Variants in ILRUN observed in about 807,000 individuals in gnomAD.
ILRUN encodes the protein protein ILRUN.
ILRUN carries 3 observed loss-of-function variants against 33.8 expected under a neutral mutation model. The ratio of observed to expected loss-of-function variants is 0.09; its 90% confidence interval spans 0.04 to 0.23. The LOEUF (loss-of-function observed/expected upper bound fraction) is 0.23. Ranked by LOEUF, ILRUN falls within the 10% of genes least tolerant of loss-of-function variation. The probability of loss-of-function intolerance (pLI) is 1.00; values close to 1 mark genes in which losing one functional copy is unlikely to be tolerated. For synonymous variants in ILRUN, 124 were observed against 138.9 expected, an observed-to-expected ratio of 0.89 and a Z score of 0.75; for missense variants, 210 against 375.1, an observed-to-expected ratio of 0.56 and a Z score of 3.64.
Position 34,646,603 on chromosome 6 carries a change from C to T in ILRUN, c.509G>A (p.Gly170Glu). Residue 170 changes from glycine to glutamate, a missense_variant and splice_region_variant, in exon 3 of 5, where the codon GGA (glycine) becomes GAA (glutamate). Gly to Glu is a moderately conservative substitution (Grantham distance 98). Transcript: ENST00000374023. The surrounding 1 kb of genome is among the most constrained non-coding windows in gnomAD (Gnocchi z 4.9). The part of the protein sequence containing the change: ...RMCTATGLYY[G>E]DVIWVILSVE... ...GGGCTGCACAAGGACATACTCACCT[C>T]CATAGTAGAGTCCTGTAGCAGTGCA... 1 of 1,613,934 alleles carries T rather than the reference C, an allele frequency of 6.2e-7. No individual in the cohort carries two copies. Among genetic ancestry groups the T allele is most frequent in the Non-Finnish European group, 8.5e-7 (1 of 1,179,960 alleles).
At chr6:34,593,099 A>G (rs753879916) in intron 4 of ILRUN, among the ~76,000 whole-genome samples, 14 of 152,094 alleles carry the variant, frequency 9.2e-5, no homozygotes, top group Non-Finnish European at 1.8e-4. Context: ...GGATCACTTG[A>G]GCCCAGGAGG....
chr6:34,601,704 C>T (rs1561996963), intron 4 of ILRUN, among the ~76,000 whole-genome samples: 1 of 95,168 alleles, frequency 1.1e-5, no homozygotes, highest in Non-Finnish European at 2.1e-5. Flanking sequence ...CTCCAGTACC[C>T]GCCCCCCCAA....
intron 1 of ILRUN, among the ~76,000 whole-genome samples, chr6:34,693,615 T>C (rs1763692606): frequency 6.6e-6 from 1 of 152,062 alleles, no homozygotes; most frequent in South Asian, 2.1e-4. Context: ...TGCTACTCCA[T>C]GGCTTTGAGC....
intron 3 of ILRUN, among the ~76,000 whole-genome samples, chr6:34,622,579 T>G (rs941714354): frequency 2.6e-5 from 4 of 152,128 alleles, no homozygotes; most frequent in Admixed American, 6.5e-5. Context: ...TGAAAGCTTT[T>G]GCTTCCTAGA....
intron 1 of ILRUN, among the ~76,000 whole-genome samples, chr6:34,656,171 G>A (rs1762767548): frequency 6.6e-6 from 1 of 150,670 alleles, no homozygotes; most frequent in Admixed American, 6.6e-5. Flanking sequence ...GAGAGGTGGA[G>A]GTTGCAGTGA....
chr6:34,653,152 GAA>G (rs1306444483), intron 2 of ILRUN, among the ~76,000 whole-genome samples: 12 of 110,710 alleles, frequency 1.1e-4, no homozygotes, highest in Admixed American at 4.3e-4. Context: ...AAAAAAAAAA[GAA>G]AAAGAAAGAA....
chr6:34,633,403 T>C (rs1303964593), intron 3 of ILRUN, among the ~76,000 whole-genome samples: 2 of 152,138 alleles, frequency 1.3e-5, no homozygotes, highest in East Asian at 1.9e-4. Context: ...TCAACAGATA[T>C]AAAGGAATTG....
chr6:34,618,046 T>A (rs1324548311), intron 3 of ILRUN, among the ~76,000 whole-genome samples: 4 of 152,200 alleles, frequency 2.6e-5, no homozygotes, highest in Non-Finnish European at 5.9e-5. Flanking sequence ...AGTACAGCAA[T>A]CATTTAATCA....
intron 3 of ILRUN, among the ~76,000 whole-genome samples, chr6:34,620,040 G>A (rs1261344383): frequency 1.3e-5 from 2 of 150,176 alleles, no homozygotes; most frequent in African/African-American, 4.9e-5. Context: ...TTATAAGATT[G>A]TCTTAGAAAA....
chr6:34,681,825 T>C (rs988208414), intron 1 of ILRUN, among the ~76,000 whole-genome samples: 1 of 148,760 alleles, frequency 6.7e-6, no homozygotes, highest in Non-Finnish European at 1.5e-5. Context: ...ATATTTCAAA[T>C]GACCAAAGTC....
rs867441068 is a variant in ILRUN at position 34,603,556 on chromosome 6, C to A, written c.861+2999G>T. Among the ~76,000 whole-genome samples the A allele has an allele frequency of 3.3e-5, 5 of 152,028 alleles. No homozygotes were observed. The South Asian group carries it at 8.3e-4, about 25-fold the overall frequency. On this transcript the variant is annotated intron_variant, in intron 4 of 4. Transcript: ENST00000374023. ...AGGCTGAGATAGAGGATTGCTTGAG[C>A]CCAGGAAGTCAAGGCTGCAGTGAGC...
chr6:34,693,383 C>T (rs1169233579), intron 1 of ILRUN, among the ~76,000 whole-genome samples: 1 of 152,064 alleles, frequency 6.6e-6, no homozygotes, highest in Non-Finnish European at 1.5e-5. Context: ...CAGACAGAGT[C>T]TTATTCTGTC....
chr6:34,635,570 AGGGAGGG>A (rs1762348891), intron 3 of ILRUN, among the ~76,000 whole-genome samples: 11 of 55,276 alleles, frequency 2.0e-4, no homozygotes, highest in East Asian at 1.8e-3. Flanking sequence ...GAAGGAAGGG[AGGGAGGG>A]AGGGAGGGAG....
chr6:34,631,379 G>T (rs568437754), intron 3 of ILRUN, among the ~76,000 whole-genome samples: 3 of 151,916 alleles, frequency 2.0e-5, no homozygotes, highest in Admixed American at 1.3e-4. Flanking sequence ...CCAGGCTGGA[G>T]GGCAGTGGCG....
At chr6:34,640,935 C>G (rs1034473377) in intron 3 of ILRUN, among the ~76,000 whole-genome samples, 1 of 151,474 alleles carries the variant, frequency 6.6e-6, no homozygotes, top group Non-Finnish European at 1.5e-5. Flanking sequence ...AAAAATTAGC[C>G]GGGCATGGTG....
At chr6:34,622,456 A>C (rs1372275804) in intron 3 of ILRUN, among the ~76,000 whole-genome samples, 1 of 152,234 alleles carries the variant, frequency 6.6e-6, no homozygotes, top group Non-Finnish European at 1.5e-5. Context: ...GCACTTAAAA[A>C]GATACTCAAC....
chr6:34,669,530 C>A (rs1421431660), intron 1 of ILRUN, among the ~76,000 whole-genome samples: 2 of 152,148 alleles, frequency 1.3e-5, no homozygotes, highest in Admixed American at 6.5e-5. Context: ...ACTTCCAGAA[C>A]CACACAACTT....
intron 4 of ILRUN, among the ~76,000 whole-genome samples, chr6:34,600,818 C>T (rs1251785788): frequency 6.6e-6 from 1 of 152,132 alleles, no homozygotes; most frequent in Non-Finnish European, 1.5e-5. Flanking sequence ...TTACAGAAAG[C>T]CCACAGATGT....
At chr6:34,687,465 G>T (rs1041735654) in intron 1 of ILRUN, among the ~76,000 whole-genome samples, 8 of 152,000 alleles carry the variant, frequency 5.3e-5, no homozygotes, top group African/African-American at 1.9e-4. Flanking sequence ...GGAGGCCAAA[G>T]CAGGCAGGTC....
Sources: gnomAD v4.1 joint callset for allele counts (sites outside exome capture counted in the v4.1 genomes callset) on GRCh38, gnomAD v4.1.1 for gene constraint, Gnocchi (gnomAD v3.1) non-coding constraint, MANE v1.5 for transcripts, NCBI Gene and HGNC (gene_info 2026-07-23, HGNC 2026-07-21) for gene names.